Variants in MYO1E observed in about 807,000 individuals in gnomAD.
MYO1E encodes myosin IE, also known as unconventional myosin-Ie.
Under a neutral mutation model 151.1 loss-of-function variants are expected in MYO1E, and 68 were observed. That is an observed-to-expected ratio of 0.45 (90% CI 0.37 to 0.55). The LOEUF is 0.55. Ranked by LOEUF, MYO1E falls within the 20% of genes least tolerant of loss-of-function variation. The pLI, the probability that MYO1E is intolerant of heterozygous loss-of-function variation, is 0.00. For missense variants in MYO1E, 1,363 were observed against 1,389.3 expected, an observed-to-expected ratio of 0.98 and a Z score of 0.30; for synonymous variants, 601 against 501.7, an observed-to-expected ratio of 1.20 and a Z score of -2.64.
chr15:59,240,186 C>T (rs777703060), intron 4 of MYO1E, among the ~76,000 whole-genome samples: 23 of 152,226 alleles, frequency 1.5e-4, no homozygotes, highest in Non-Finnish European at 3.1e-4. Flanking sequence ...TTTTTAATTG[C>T]CCATGTCTGG....
chr15:59,323,729 T>C (rs903256403), intron 1 of MYO1E, among the ~76,000 whole-genome samples: 2 of 151,728 alleles, frequency 1.3e-5, no homozygotes, highest in East Asian at 1.9e-4. Flanking sequence ...TGCACTGATG[T>C]TGCTGTGTGC....
chr15:59,222,822 C>T (rs775480759), intron 9 of MYO1E, among the ~76,000 whole-genome samples: 28 of 152,240 alleles, frequency 1.8e-4, no homozygotes, highest in Admixed American at 1.8e-3. Context: ...TAAATTGAAA[C>T]GATTCCATTA....
chr15:59,345,246 A>G (rs1459523257), intron 1 of MYO1E, among the ~76,000 whole-genome samples: 1 of 145,444 alleles, frequency 6.9e-6, no homozygotes, highest in African/African-American at 2.7e-5. Flanking sequence ...TTTAAATGAG[A>G]GAGAGAGAAA....
At chr15:59,214,434 A>T (rs2079900985) in intron 11 of MYO1E, 120 bp from the exon 12 acceptor site, 2 of 903,970 alleles carry the variant, frequency 2.2e-6, no homozygotes, top group Admixed American at 2.2e-5. Flanking sequence ...TGGATGCATC[A>T]AAAGAAATAA....
chr15:59,244,858 T>C (rs1478618102), intron 4 of MYO1E, among the ~76,000 whole-genome samples: 2 of 152,208 alleles, frequency 1.3e-5, no homozygotes, highest in African/African-American at 4.8e-5. Context: ...GTTGCTGTTA[T>C]GTTTATGGGT....
chr15:59,366,347 G>A (rs2080913573), intron 1 of MYO1E, among the ~76,000 whole-genome samples: 1 of 149,578 alleles, frequency 6.7e-6, no homozygotes, highest in South Asian at 2.1e-4. Flanking sequence ...AGGCTGCAGT[G>A]CCACAGTTAC....
chr15:59,191,193 C>T (rs369460510), intron 17 of MYO1E, among the ~76,000 whole-genome samples: 74 of 152,142 alleles, frequency 4.9e-4, no homozygotes, highest in African/African-American at 1.6e-3. Flanking sequence ...TAGTGGCTCA[C>T]GCTTGTAATC....
chr15:59,335,051 C>T (rs192577137), intron 1 of MYO1E, among the ~76,000 whole-genome samples: 11 of 152,278 alleles, frequency 7.2e-5, no homozygotes, highest in African/African-American at 2.2e-4. Flanking sequence ...AGATTTAACA[C>T]AAAGATTGTC....
chr15:59,146,284 T>A (rs1490622308), intron 26 of MYO1E, among the ~76,000 whole-genome samples: 1 of 152,210 alleles, frequency 6.6e-6, no homozygotes, highest in Non-Finnish European at 1.5e-5. Flanking sequence ...GTTATAAAAA[T>A]AATTATTTCA....
rs1566961154 is a variant in MYO1E at position 59,136,755 on chromosome 15, GC to G, written c.*624del. ...CAGAGAAAGCAAAGCCAGCAGCCCA[GC>G]CCCCAGCCCCCAGCCCCTGACCTGC... On this transcript the variant is annotated 3_prime_UTR_variant, in exon 28 of 28. Coordinates refer to ENST00000288235, the MANE Select transcript of MYO1E (RefSeq NM_004998.4). 2.2e-6 allele frequency: 1 copy of G among 456,088 alleles called. No individual in the cohort carries two copies. Among genetic ancestry groups the G allele is most frequent in the Non-Finnish European group, 4.4e-6 (1 of 226,776 alleles). 28.3% of individuals were successfully genotyped at this position (456,088 alleles called of 1,614,324 possible).
Position 59,195,725 on chromosome 15 carries a change from C to T in MYO1E, c.1699-158G>A, listed in dbSNP as rs114915985. Among the ~76,000 whole-genome samples, 488 of 152,252 alleles carry T rather than the reference C, an allele frequency of 3.2e-3. 1 individual carries two copies. The highest frequency in any genetic ancestry group is 0.011 in the African/African-American group (450 of 41,540). ...CATAACTCAGGTCTACTAAACTTTC[C>T]GAAAGCTTTGCCGACTTTTATGATG... On this transcript the variant is annotated intron_variant, in intron 16 of 27. Transcript: ENST00000288235.
rs537400067 is a variant in MYO1E at position 59,258,321 on chromosome 15, T to C, written c.238-1943A>G. ...GAGATTGCAGTATTGCACTCCAGTC[T>C]GGTGAAGAGCGAGACTCCGTCTCAA... is the stretch of plus-strand genomic sequence containing the variant. On this transcript the variant is annotated intron_variant, in intron 3 of 27. Coordinates refer to ENST00000288235, the MANE Select transcript of MYO1E (RefSeq NM_004998.4). Among the ~76,000 whole-genome samples the C allele has an allele frequency of 2.6e-5, 4 of 152,316 alleles. No homozygotes were observed. In the East Asian group the frequency reaches 7.7e-4, roughly 29 times the overall value.
chr15:59,165,916 C>G (rs1421164186), intron 22 of MYO1E, among the ~76,000 whole-genome samples: 2 of 152,216 alleles, frequency 1.3e-5, no homozygotes, highest in East Asian at 3.8e-4. Context: ...TTTGGCATGT[C>G]TGGTCATGCC....
intron 1 of MYO1E, among the ~76,000 whole-genome samples, chr15:59,310,493 G>A (rs1235019758): frequency 6.6e-6 from 1 of 152,138 alleles, no homozygotes; most frequent in African/African-American, 2.4e-5. Flanking sequence ...GATGATGGAG[G>A]CAGAGATTGG....
At chr15:59,340,044 C>A (rs1319413176) in intron 1 of MYO1E, among the ~76,000 whole-genome samples, 2 of 152,030 alleles carry the variant, frequency 1.3e-5, no homozygotes, top group African/African-American at 4.8e-5. Flanking sequence ...TTAGTAGAGA[C>A]AGAATTTTGC....
intron 1 of MYO1E, among the ~76,000 whole-genome samples, chr15:59,326,423 T>C (rs1364123412): frequency 6.6e-6 from 1 of 151,980 alleles, no homozygotes; most frequent in African/African-American, 2.4e-5. Flanking sequence ...CTCAGGAGGC[T>C]GAGGCACGGG....
At chr15:59,354,915 A>G (rs2080845418) in intron 1 of MYO1E, among the ~76,000 whole-genome samples, 2 of 152,200 alleles carry the variant, frequency 1.3e-5, no homozygotes, top group Admixed American at 1.3e-4. Context: ...CTGTTCTGTG[A>G]AAAGAAAACT....
chr15:59,182,306 G>A (rs781212098), intron 18 of MYO1E, among the ~76,000 whole-genome samples: 6 of 152,064 alleles, frequency 3.9e-5, no homozygotes, highest in African/African-American at 7.2e-5. Flanking sequence ...TGCGCCTCCC[G>A]GGTTCAAGCG....
At chr15:59,183,372 T>C (rs1377815622) in intron 18 of MYO1E, among the ~76,000 whole-genome samples, 1 of 152,056 alleles carries the variant, frequency 6.6e-6, no homozygotes, top group African/African-American at 2.4e-5. Flanking sequence ...TCTTGTTTTC[T>C]TGAGACACAG....
Sources: gnomAD v4.1 joint callset for allele counts (sites outside exome capture counted in the v4.1 genomes callset) on GRCh38, gnomAD v4.1.1 for gene constraint, MANE v1.5 for transcripts, NCBI Gene and HGNC (gene_info 2026-07-23, HGNC 2026-07-21) for gene names.